The following MCHR2 variants were observed in gnomAD, a reference collection of about 807,000 sequenced individuals.
The protein encoded by MCHR2 is melanin concentrating hormone receptor 2.
Under a neutral mutation model 24.8 loss-of-function variants are expected in MCHR2, and 15 were observed. The observed-to-expected ratio is 0.60, with a 90% CI of 0.40 to 0.93. The LOEUF (loss-of-function observed/expected upper bound fraction) is 0.93, where lower values mean the gene tolerates loss of function less well. Ranked by LOEUF, MCHR2 falls within the 40% of genes least tolerant of loss-of-function variation. The pLI is 0.00. For missense variants in MCHR2, 386 were observed against 408.7 expected (o/e 0.94, Z 0.48); for synonymous variants, 151 against 147.6 (o/e 1.02, Z -0.17).
chr6:99,968,682 C>T (rs960863178), intron 1 of MCHR2, among the ~76,000 whole-genome samples: 4 of 152,034 alleles, frequency 2.6e-5, no homozygotes, highest in Non-Finnish European at 4.4e-5. Context: ...GCAGACTTAA[C>T]ATTCCTTTCA....
Position 99,943,008 on chromosome 6 carries a change from T to C in MCHR2, c.528A>G (p.Lys176=). The change falls in exon 4 of 6, where the codon AAA becomes AAG. Residue 176 remains lysine, a synonymous_variant. Transcript: ENST00000281806. ...LPVWVYSKVI[K]FKDGVESCAF... ...CACAACTCTCAACACCGTCTTTAAA[T>C]TTGATGACCTTCGAGTAGACCCAGA... The C allele has an allele frequency of 6.2e-7, 1 of 1,613,010 alleles. No individual in the cohort carries two copies. Among genetic ancestry groups the C allele is most frequent in the Non-Finnish European group, 8.5e-7 (1 of 1,179,308 alleles).
chr6:99,928,263 A>C (rs1347245002), intron 5 of MCHR2, among the ~76,000 whole-genome samples: 1 of 152,190 alleles, frequency 6.6e-6, no homozygotes, highest in Non-Finnish European at 1.5e-5. Context: ...GGATTTTTGC[A>C]TCAATGTTCA....
intron 1 of MCHR2, among the ~76,000 whole-genome samples, chr6:99,978,028 GA>G (rs1196046611): frequency 6.6e-6 from 1 of 152,120 alleles, no homozygotes; most frequent in Non-Finnish European, 1.5e-5. Flanking sequence ...AACACTTTAA[GA>G]ATCAATATAA....
chr6:99,982,941 T>G (rs772981535), intron 1 of MCHR2, among the ~76,000 whole-genome samples: 8 of 152,014 alleles, frequency 5.3e-5, no homozygotes, highest in Non-Finnish European at 1.2e-4. Context: ...ATGATGTTTT[T>G]GTTTTTTTGT....
chr6:99,936,362 G>A (rs998560659), intron 4 of MCHR2, among the ~76,000 whole-genome samples: 1 of 151,748 alleles, frequency 6.6e-6, no homozygotes, highest in African/African-American at 2.4e-5. Flanking sequence ...AATTCATTTC[G>A]GTTTGATTTT....
At chr6:99,960,458 C>T (rs1775161358) in intron 1 of MCHR2, among the ~76,000 whole-genome samples, 1 of 152,158 alleles carries the variant, frequency 6.6e-6, no homozygotes, top group Non-Finnish European at 1.5e-5. Context: ...CAATGACTTT[C>T]TTCACAGAAT....
intron 1 of MCHR2, among the ~76,000 whole-genome samples, chr6:99,970,714 G>A (rs937069416): frequency 2.8e-4 from 43 of 152,136 alleles, no homozygotes; most frequent in Admixed American, 9.8e-4. Context: ...GTAAGTCTTT[G>A]ATCCATCTTG....
intron 1 of MCHR2, among the ~76,000 whole-genome samples, chr6:99,989,030 T>C (rs147369792): frequency 1.3e-5 from 2 of 152,320 alleles, no homozygotes; most frequent in East Asian, 3.9e-4. Context: ...GTCATACTTA[T>C]GAAAACACTT....
intron 1 of MCHR2, among the ~76,000 whole-genome samples, chr6:99,965,545 T>C (rs1301497689): frequency 6.6e-6 from 1 of 152,162 alleles, no homozygotes; most frequent in Non-Finnish European, 1.5e-5. Context: ...TAATTTATTT[T>C]AATTTTCATT....
chr6:99,967,723 A>C (rs1285707997), intron 1 of MCHR2, among the ~76,000 whole-genome samples: 1 of 152,166 alleles, frequency 6.6e-6, no homozygotes, highest in East Asian at 1.9e-4. Context: ...TTTACCTGTC[A>C]ACAATCCCCC....
intron 3 of MCHR2, among the ~76,000 whole-genome samples, chr6:99,943,588 T>C (rs2114522657): frequency 6.6e-6 from 1 of 152,020 alleles, no homozygotes; most frequent in African/African-American, 2.4e-5. Flanking sequence ...ATGCGGTGTT[T>C]GGTTTTTTGT....
intron 2 of MCHR2, among the ~76,000 whole-genome samples, chr6:99,952,988 G>C (rs1774993759): frequency 6.6e-6 from 1 of 152,102 alleles, no homozygotes; most frequent in African/African-American, 2.4e-5. Context: ...TCCGTACAAT[G>C]GCTCAGGTGT....
intron 5 of MCHR2, 86 bp from the exon 6 acceptor site, chr6:99,921,341 C>A: frequency 8.4e-7 from 1 of 1,188,028 alleles, no homozygotes. Context: ...TTGGACAGTT[C>A]ATAATGGCTT....
intron 4 of MCHR2, among the ~76,000 whole-genome samples, chr6:99,937,438 G>T (rs1319303319): frequency 6.6e-6 from 1 of 151,906 alleles, no homozygotes; most frequent in Non-Finnish European, 1.5e-5. Flanking sequence ...TTTATTGAAT[G>T]ATGTTTTGGC....
chr6:99,984,231 G>A (rs866971562), intron 1 of MCHR2, among the ~76,000 whole-genome samples: 1 of 112,964 alleles, frequency 8.9e-6, no homozygotes, highest in Non-Finnish European at 1.7e-5. Flanking sequence ...GTATCTTTTT[G>A]TTTTTTATTT....
Position 99,934,508 on chromosome 6 carries a change from A to G in MCHR2, c.597T>C (p.Leu199=), listed in dbSNP as rs369073502. ...TSPDDVLWYT[L]YLTITTFFFP... ...AAAAAAAAGTTGTTATCGTCAAATA[A>G]AGTGTATACCTGTAAAATGAGAGAG... The change falls in exon 5 of 6, where the codon CTT becomes CTC. Residue 199 remains leucine (L), a synonymous_variant. Transcript: ENST00000281806. 6.3e-7 allele frequency: 1 copy of G among 1,595,582 alleles called. No individual in the cohort carries two copies. The highest frequency in any genetic ancestry group is 1.4e-5 in the African/African-American group (1 of 73,604).
intron 5 of MCHR2, among the ~76,000 whole-genome samples, chr6:99,921,714 T>G (rs1774236824): frequency 6.6e-6 from 1 of 152,228 alleles, no homozygotes; most frequent in Non-Finnish European, 1.5e-5. Context: ...TAGGCCTTAT[T>G]CATTCTTTTG....
At chr6:99,934,137 T>C (rs908951992) in intron 5 of MCHR2, among the ~76,000 whole-genome samples, 1 of 152,142 alleles carries the variant, frequency 6.6e-6, no homozygotes, top group Non-Finnish European at 1.5e-5. Context: ...TATAAAATTA[T>C]TCTTTAAATA....
At position 99,920,971 on chromosome 6, in the gene MCHR2, T is replaced by G. The variant is rs140382296; in HGVS notation, c.992A>C (p.Asn331Thr). The G allele has an allele frequency of 6.2e-7, 1 of 1,614,210 alleles. No homozygotes were observed. The highest frequency in any genetic ancestry group is 1.3e-5 in the African/African-American group (1 of 75,062). ...QRRATEKEIN[N>T]MGNTLKSHF ...GTGTGATTTCAGAGTGTTTCCCATATTGTTGATTTCCTTCTCAGTCGCTCT... is the reference window on the plus strand; with the variant it reads ...GTGTGATTTCAGAGTGTTTCCCATAGTGTTGATTTCCTTCTCAGTCGCTCT... Residue 331 changes from asparagine (N) to threonine (T), a missense_variant, in exon 6 of 6, where the codon AAT becomes ACT. By Grantham distance (65) the Asn-to-Thr change is moderately conservative. Coordinates refer to ENST00000281806, the MANE Select transcript of MCHR2 (RefSeq NM_001040179.2).
Sources: gnomAD v4.1 joint callset for allele counts (sites outside exome capture counted in the v4.1 genomes callset) on GRCh38, gnomAD v4.1.1 for gene constraint, MANE v1.5 for transcripts, NCBI Gene and HGNC (gene_info 2026-07-23, HGNC 2026-07-21) for gene names.